CUL9: variants seen among roughly 807,000 people sequenced by gnomAD.
CUL9 encodes cullin 9, also known as cullin-9.
Under a neutral mutation model 272.6 loss-of-function variants are expected in CUL9, and 79 were observed. The ratio of observed to expected loss-of-function variants is 0.29; its 90% confidence interval spans 0.24 to 0.35. The LOEUF (loss-of-function observed/expected upper bound fraction) is 0.35. CUL9 is among the 10% of genes least tolerant of loss of function. The pLI is 1.00. For missense variants in CUL9, 2,532 were observed against 3,255.6 expected (o/e 0.78, Z 5.41); for synonymous variants, 1,186 against 1,286.5 (o/e 0.92, Z 1.67).
At chr6:43,198,404 C>T (rs1582344398) in intron 11 of CUL9, 1 of 983,880 alleles carries the variant, frequency 1.0e-6, no homozygotes, top group East Asian at 1.1e-4. Context: ...ACAGTGTTTG[C>T]TATACTAGGT....
chr6:43,216,881 A>C (rs571021351), intron 31 of CUL9, among the ~76,000 whole-genome samples: 3 of 152,320 alleles, frequency 2.0e-5, no homozygotes, highest in African/African-American at 7.2e-5. Context: ...ATTATCAGCC[A>C]AGTTAGAACT....
In CUL9 at chr6:43,213,361, C is replaced by T; in HGVS notation, c.5358+67C>T. ...TATCTGTCGCTGTTCTCCTCCTAAACCCTGTTCCTCCTTCATCCTTACTCC... is the reference window on the plus strand; with the variant it reads ...TATCTGTCGCTGTTCTCCTCCTAAATCCTGTTCCTCCTTCATCCTTACTCC... On this transcript the variant is annotated intron_variant, in intron 27 of 40. Transcript: ENST00000252050. This position sits in a 1 kb window ranked among gnomAD's most constrained non-coding sequence, Gnocchi z 5.7. 2 of 1,610,368 alleles carry T rather than the reference C, an allele frequency of 1.2e-6. No individual in the cohort carries two copies. Among genetic ancestry groups the T allele is most frequent in the Non-Finnish European group, 1.7e-6 (2 of 1,177,280 alleles).
intron 26 of CUL9, among the ~76,000 whole-genome samples, chr6:43,212,283 G>C (rs12530222): frequency 1.1e-4 from 16 of 152,226 alleles, no homozygotes; most frequent in Admixed American, 9.8e-4. Context: ...CAGTGTGTCA[G>C]TCTTGTCTAT....
chr6:43,184,487 A>T lies in CUL9; in HGVS notation c.177A>T (p.Lys59Asn). The T allele has an allele frequency of 6.2e-7, 1 of 1,613,392 alleles. No individual in the cohort carries two copies. Among genetic ancestry groups the T allele is most frequent in the Non-Finnish European group, 8.5e-7 (1 of 1,179,592 alleles). The stretch of plus-strand genomic sequence containing the variant: ...GCAAAGTGGGTGTGGAAGAAGGCAA[A>T]GCAGAGCACATCCTCATGTGGCTGT... ...EVGKVGVEEG[K>N]AEHILMWLSA... is the part of the protein sequence containing the mutation. The change falls in exon 2 of 41, where the codon AAA (lysine) becomes AAT (asparagine). Residue 59 changes from lysine to asparagine, a missense_variant. By Grantham distance (94) the Lys-to-Asn change is moderately conservative (BLOSUM62 0). Around this residue, in one of 3 missense-constraint regions of CUL9, gnomAD observed 2,218 missense variants for 2,788.6 expected, o/e 0.80. Coordinates refer to ENST00000252050, the MANE Select transcript of CUL9 (RefSeq NM_015089.4). This position sits in a 1 kb window ranked among gnomAD's most constrained non-coding sequence, Gnocchi z 4.8.
Position 43,216,178 on chromosome 6 carries a change from T to G in CUL9, c.5957T>G (p.Leu1986Arg). Residue 1986 changes from leucine (L) to arginine (R), a missense_variant, in exon 31 of 41, where the codon CTG becomes CGG. Physicochemically the swap from Leu to Arg is moderately radical, Grantham distance 102. Around this residue, in one of 3 missense-constraint regions of CUL9, gnomAD observed 2,218 missense variants for 2,788.6 expected, o/e 0.80. Transcript: ENST00000252050. Reference sequence around the variant, plus strand: ...ACAAGCCCAGAAGCTGTGGCTACCCTGGCATCTCTACAGCTGCCTGCAGGC... The same window carrying G: ...ACAAGCCCAGAAGCTGTGGCTACCCGGGCATCTCTACAGCTGCCTGCAGGC... ...SKPSPEAVAT[L>R]ASLQLPAGRT... 6.2e-7 allele frequency: 1 copy of G among 1,605,018 alleles called. No homozygotes were observed. Among genetic ancestry groups the G allele is most frequent in the Non-Finnish European group, 8.5e-7 (1 of 1,172,550 alleles).
chr6:43,205,521 G>A, intron 24 of CUL9, 98 bp downstream of exon 24: 1 of 1,391,944 alleles, frequency 7.2e-7, no homozygotes, highest in Non-Finnish European at 9.9e-7. Context: ...AGGCTGTGTA[G>A]AGGAGAGATT....
rs943614644 is a variant in CUL9, at chr6:43,223,533, C to A, written c.7284+136C>A. ...CGGGTGAATGGATGTTAGACCTGGG[C>A]GCACATCCCGGCTTTTGGGCCAACC... On this transcript the variant is annotated intron_variant, in intron 39 of 40. Transcript: ENST00000252050. This position sits in a 1 kb window ranked among gnomAD's most constrained non-coding sequence, Gnocchi z 4.1. The A allele has an allele frequency of 1.6e-6, 2 of 1,256,722 alleles. No homozygotes were observed. The highest frequency in any genetic ancestry group is 1.5e-5 in the African/African-American group (1 of 66,266). 77.8% of individuals were successfully genotyped at this position (1,256,722 alleles called of 1,614,324 possible). A position where few individuals can be genotyped will look rare whatever the true frequency, so the allele number is the denominator to read the frequency against.
At chr6:43,194,456 T>A (rs1264476076) in intron 9 of CUL9, among the ~76,000 whole-genome samples, 1 of 151,920 alleles carries the variant, frequency 6.6e-6, no homozygotes, top group Non-Finnish European at 1.5e-5. Flanking sequence ...GTAGCTGGGA[T>A]TACAGGCACG....
chr6:43,184,218 T>G lies in CUL9; in HGVS notation c.-9-84T>G. 9.1e-7 allele frequency: 1 copy of G among 1,104,718 alleles called. No homozygotes were observed. The highest frequency in any genetic ancestry group is 1.6e-5 in the African/African-American group (1 of 63,082). 68.4% of individuals were successfully genotyped at this position (1,104,718 alleles called of 1,614,324 possible). A position where few individuals can be genotyped will look rare whatever the true frequency, so the allele number is the denominator to read the frequency against. ...TGCAGCCTACCGATCACCACCCACC[T>G]TCTCTGTGTCTCAAGATTCCACCCC... On this transcript the variant is annotated intron_variant, in intron 1 of 40. Coordinates refer to ENST00000252050, the MANE Select transcript of CUL9 (RefSeq NM_015089.4). This position sits in a 1 kb window ranked among gnomAD's most constrained non-coding sequence, Gnocchi z 4.8.
In CUL9 at chr6:43,188,079, G is replaced by A. The variant is rs774188388; in HGVS notation, c.1948G>A (p.Gly650Arg). The A allele has an allele frequency of 1.1e-5, 17 of 1,613,770 alleles. No homozygotes were observed. The East Asian group carries it at 3.8e-4, about 36-fold the overall frequency. Residue 650 changes from glycine to arginine, a missense_variant, in exon 7 of 41, where the codon GGG becomes AGG. Transcript: ENST00000252050. The part of the protein sequence containing the change: ...QLFNQLLVTE[G>R]MTLPTEMKEA... ...GTTTAACCAGCTTCTGGTGACTGAG[G>A]GGATGACCCTGCCCACTGAGATGAA...
chr6:43,190,510 A>T (rs1003289854), intron 8 of CUL9, among the ~76,000 whole-genome samples: 1 of 152,184 alleles, frequency 6.6e-6, no homozygotes, highest in African/African-American at 2.4e-5. Flanking sequence ...ATTAAAATAA[A>T]AATTATCTGA....
rs763953698 is a variant in CUL9, at chr6:43,218,534, C to T, written c.6283-1925C>T. Among the ~76,000 whole-genome samples the T allele has an allele frequency of 6.6e-6, 1 of 152,158 alleles. No individual in the cohort carries two copies. Among genetic ancestry groups the T allele is most frequent in the Non-Finnish European group, 1.5e-5 (1 of 68,034 alleles). ...CCCGGCCCTACATTTTTTAAAAGAT[C>T]GCTTCTGCCGTTGTGTGGAGAAAAG... On this transcript the variant is annotated intron_variant, in intron 31 of 40. Coordinates refer to ENST00000252050, the MANE Select transcript of CUL9 (RefSeq NM_015089.4). The surrounding 1 kb of genome is among the most constrained non-coding windows in gnomAD (Gnocchi z 4.4).
rs144913537 is a variant in CUL9, at chr6:43,222,753, G to A, written c.7033-26G>A. ...TGAAGGGAATGAGGAGAGGGCAGGC[G>A]GGAGAGCTGATGGGAGCCCCTGCAG... On this transcript the variant is annotated intron_variant, in intron 37 of 40. Coordinates refer to ENST00000252050, the MANE Select transcript of CUL9 (RefSeq NM_015089.4). 8.9e-4 allele frequency: 1,427 copies of A among 1,610,606 alleles called. 15 individuals are homozygous for A. The African/African-American group carries it at 0.016, about 18-fold the overall frequency.
chr6:43,220,440 C>T lies in CUL9; in HGVS notation c.6283-19C>T. On this transcript the variant is annotated intron_variant, in intron 31 of 40. Transcript: ENST00000252050. This position sits in a 1 kb window ranked among gnomAD's most constrained non-coding sequence, Gnocchi z 4.9. ...CTCCCACACTGTCTGTGAGCAGCCC[C>T]TCCTTTTGTCCCTCCCAGTCTTGCT... is the stretch of plus-strand genomic sequence containing the variant. 1 of 1,613,826 alleles carries T rather than the reference C, an allele frequency of 6.2e-7. No individual in the cohort carries two copies. The highest frequency in any genetic ancestry group is 8.5e-7 in the Non-Finnish European group (1 of 1,179,844).
intron 8 of CUL9, 31 bp from the exon 9 acceptor site, chr6:43,192,970 T>A: frequency 6.2e-7 from 1 of 1,606,588 alleles, no homozygotes. Context: ...CTCCTTGGGA[T>A]GGGGAGCCCC....
rs138158499 is a variant in CUL9 at position 43,184,514 on chromosome 6, G to A, written c.204G>A (p.Ser68=). The A allele has an allele frequency of 1.4e-5, 22 of 1,612,470 alleles. No individual in the cohort carries two copies. In the East Asian group the frequency reaches 1.6e-4, roughly 11 times the overall value. The change falls in exon 2 of 41, where the codon TCG becomes TCA. Residue 68 remains serine (S), a synonymous_variant. Coordinates refer to ENST00000252050, the MANE Select transcript of CUL9 (RefSeq NM_015089.4). The surrounding 1 kb of genome is among the most constrained non-coding windows in gnomAD (Gnocchi z 4.8). ...CAGAGCACATCCTCATGTGGCTGTC[G>A]GCTCCTGAGGTCTACGCCAACTGCC... is the stretch of plus-strand genomic sequence containing the variant. The part of the protein sequence containing the change: ...GKAEHILMWL[S]APEVYANCPG...
chr6:43,219,416 AG>A (rs1256640518), intron 31 of CUL9, among the ~76,000 whole-genome samples: 4 of 152,232 alleles, frequency 2.6e-5, no homozygotes, highest in African/African-American at 9.6e-5. Flanking sequence ...GCCAGGGCAG[AG>A]GGGGACCCTG....
intron 3 of CUL9, 26 bp from the exon 4 acceptor site, chr6:43,185,929 C>T (rs750422594): frequency 4.5e-6 from 7 of 1,569,920 alleles, no homozygotes; most frequent in Non-Finnish European, 6.1e-6. Context: ...AAGAGATGAA[C>T]CTGTCCCAAG....
At chr6:43,185,348 C>A in intron 2 of CUL9, 108 bp from the exon 3 acceptor site, 1 of 1,107,390 alleles carries the variant, frequency 9.0e-7, no homozygotes, top group Non-Finnish European at 1.3e-6. Flanking sequence ...TTCTGTGAGC[C>A]TTAGTAACAA....
Sources: allele counts gnomAD v4.1 joint callset (sites outside exome capture counted in the v4.1 genomes callset), GRCh38; gene constraint gnomAD v4.1.1; regional missense constraint gnomAD v4.1.1; non-coding constraint Gnocchi (gnomAD v3.1); transcripts MANE v1.5; gene names NCBI Gene and HGNC (gene_info 2026-07-23, HGNC 2026-07-21).